Variants in CCDC117 observed in about 807,000 individuals in gnomAD.
The protein encoded by CCDC117 is coiled-coil domain-containing protein 117.
In CCDC117, 1 loss-of-function variant was observed where a neutral mutation model predicts 23.5. The ratio of observed to expected loss-of-function variants is 0.04; its 90% confidence interval spans 0.02 to 0.20. The LOEUF (loss-of-function observed/expected upper bound fraction) is 0.20. CCDC117 is among the 10% of genes least tolerant of loss of function. CCDC117 has a pLI of 1.00. For synonymous variants in CCDC117, 132 were observed against 124.8 expected, an observed-to-expected ratio of 1.06 and a Z score of -0.39; for missense variants, 383 against 348.2, an observed-to-expected ratio of 1.10 and a Z score of -0.80.
At chr22:28,777,287 C>G (rs936711088) in intron 2 of CCDC117, among the ~76,000 whole-genome samples, 1 of 152,054 alleles carries the variant, frequency 6.6e-6, no homozygotes, top group African/African-American at 2.4e-5. Context: ...CTGGCCCTGG[C>G]CTCCCAAAGT....
intron 2 of CCDC117, among the ~76,000 whole-genome samples, chr22:28,778,859 G>A (rs1436850277): frequency 6.6e-6 from 1 of 152,162 alleles, no homozygotes; most frequent in African/African-American, 2.4e-5. Context: ...TATTTAGAAA[G>A]TGGACCTACA....
chr22:28,787,856 G>C lies in CCDC117; in HGVS notation c.*1530G>C, dbSNP rs2031563499. On this transcript the variant is annotated 3_prime_UTR_variant, in exon 5 of 5. Coordinates refer to ENST00000249064, the MANE Select transcript of CCDC117 (RefSeq NM_173510.4). The stretch of plus-strand genomic sequence containing the variant: ...TTCTGGGTTTCTTCCCCCTTTGTAG[G>C]AATCAGATACCTTTTGTAGAAAAAA... The C allele has an allele frequency of 6.6e-6, 1 of 152,324 alleles. No homozygotes were observed. Among genetic ancestry groups the C allele is most frequent in the Admixed American group, 6.6e-5 (1 of 15,264 alleles). 9.4% of individuals were successfully genotyped at this position (152,324 alleles called of 1,614,324 possible).
intron 4 of CCDC117, among the ~76,000 whole-genome samples, chr22:28,784,200 G>A (rs2031441042): frequency 6.6e-6 from 1 of 152,200 alleles, no homozygotes; most frequent in South Asian, 2.1e-4. Context: ...AGTAGAAGCA[G>A]AAACAGCAAA....
intron 2 of CCDC117, among the ~76,000 whole-genome samples, chr22:28,779,407 T>C (rs1050944350): frequency 4.6e-5 from 7 of 151,946 alleles, no homozygotes; most frequent in African/African-American, 1.7e-4. Context: ...GGTTTCACCA[T>C]GTTGGCCAGG....
rs147524215 is a variant in CCDC117 at position 28,788,973 on chromosome 22, GT to G, written c.*2663del. Reference sequence around the variant, plus strand: ...GTGCGTTGTGGATTTTGTTTTTTGGGTTTTTTTTTTTTTTTTGTAATTATAT... The same window carrying G: ...GTGCGTTGTGGATTTTGTTTTTTGGGTTTTTTTTTTTTTTTGTAATTATAT... On this transcript the variant is annotated 3_prime_UTR_variant, in exon 5 of 5. Coordinates refer to ENST00000249064, the MANE Select transcript of CCDC117 (RefSeq NM_173510.4). 0.018 allele frequency: 2,378 copies of G among 134,974 alleles called. 48 individuals are homozygous for G. Among genetic ancestry groups the G allele is most frequent in the African/African-American group, 0.052 (1,958 of 37,390 alleles). 8.4% of individuals were successfully genotyped at this position (134,974 alleles called of 1,614,324 possible).
Position 28,780,956 on chromosome 22 carries a change from T to C in CCDC117, c.248T>C (p.Val83Ala). The C allele has an allele frequency of 6.2e-6, 10 of 1,610,262 alleles. No homozygotes were observed. Among genetic ancestry groups the C allele is most frequent in the Non-Finnish European group, 8.5e-6 (10 of 1,177,508 alleles). The change falls in exon 3 of 5, where the codon GTA (valine) becomes GCA (alanine). Residue 83 changes from valine (V) to alanine (A), a missense_variant. By Grantham distance (64) the Val-to-Ala change is moderately conservative (BLOSUM62 0). Transcript: ENST00000249064. ...REEEEDDDCP[V>A]RKKRITEAEL... Reference sequence around the variant, plus strand: ...TTTTTTCTTTTTTTCAGTTGTCCAGTAAGAAAGAAAAGGATAACTGAAGCA... The same window carrying C: ...TTTTTTCTTTTTTTCAGTTGTCCAGCAAGAAAGAAAAGGATAACTGAAGCA...
chr22:28,772,744 C>T lies in CCDC117; in HGVS notation c.-106C>T. The T allele has an allele frequency of 2.2e-6, 2 of 901,042 alleles. No individual in the cohort carries two copies. The highest frequency in any genetic ancestry group is 1.4e-6 in the Non-Finnish European group (1 of 695,128). 55.8% of individuals were successfully genotyped at this position (901,042 alleles called of 1,614,324 possible). A position where few individuals can be genotyped will look rare whatever the true frequency, so the allele number is the denominator to read the frequency against. Reference sequence around the variant, plus strand: ...AGAAGGCGTGACGTGGGGTCGAGAGCGGGATCCGAGGCTGGCGGGTTTTGG... The same window carrying T: ...AGAAGGCGTGACGTGGGGTCGAGAGTGGGATCCGAGGCTGGCGGGTTTTGG... On this transcript the variant is annotated 5_prime_UTR_variant, in exon 1 of 5. Coordinates refer to ENST00000249064, the MANE Select transcript of CCDC117 (RefSeq NM_173510.4).
At chr22:28,780,166 G>T (rs1450106727) in intron 2 of CCDC117, among the ~76,000 whole-genome samples, 1 of 152,116 alleles carries the variant, frequency 6.6e-6, no homozygotes, top group Non-Finnish European at 1.5e-5. Context: ...AAAAAAAATG[G>T]ATTTGATGAA....
intron 1 of CCDC117, 199 bp from the exon 2 acceptor site, chr22:28,773,526 G>C (rs1017052352): frequency 8.4e-6 from 5 of 596,924 alleles, no homozygotes; most frequent in African/African-American, 5.6e-5. Flanking sequence ...AAAAGGACAA[G>C]TTGAGATTTC....
intron 3 of CCDC117, among the ~76,000 whole-genome samples, chr22:28,782,225 A>T (rs1221838090): frequency 5.0e-5 from 7 of 140,030 alleles, no homozygotes; most frequent in African/African-American, 1.9e-4. Context: ...GGCATGAGCT[A>T]CTGTGCCGGG....
chr22:28,786,862 A>G lies in CCDC117; in HGVS notation c.*536A>G, dbSNP rs1569201190. 6.5e-6 allele frequency: 1 copy of G among 153,376 alleles called. No individual in the cohort carries two copies. Among genetic ancestry groups the G allele is most frequent in the East Asian group, 1.9e-4 (1 of 5,200 alleles). The allele number at this position is 153,376 out of a possible 1,614,324, so 9.5% of individuals were successfully genotyped here. A position where few individuals can be genotyped will look rare whatever the true frequency, so the allele number is the denominator to read the frequency against. ...TTTCTTAGCAACTTGTAATTTAGTT[A>G]TCAATTCAATATAGCTCTGTTGATT... On this transcript the variant is annotated 3_prime_UTR_variant, in exon 5 of 5. Coordinates refer to ENST00000249064, the MANE Select transcript of CCDC117 (RefSeq NM_173510.4).
At chr22:28,782,082 C>T (rs2031358133) in intron 3 of CCDC117, among the ~76,000 whole-genome samples, 1 of 151,740 alleles carries the variant, frequency 6.6e-6, no homozygotes, top group South Asian at 2.1e-4. Flanking sequence ...GGACTGCAGG[C>T]ATGTGCCACC....
At chr22:28,775,310 GTAGA>G (rs1456143267) in intron 2 of CCDC117, among the ~76,000 whole-genome samples, 8 of 152,102 alleles carry the variant, frequency 5.3e-5, no homozygotes, top group Admixed American at 2.6e-4. Flanking sequence ...AGGACTTGGT[GTAGA>G]TAATTAACCA....
intron 2 of CCDC117, among the ~76,000 whole-genome samples, chr22:28,774,298 A>G (rs1247488541): frequency 1.4e-5 from 2 of 146,566 alleles, no homozygotes; most frequent in African/African-American, 2.5e-5. Context: ...TGATCTTCTG[A>G]CTTCATGATC....
intron 1 of CCDC117, chr22:28,773,465 A>T (rs13058181): frequency 1.9e-6 from 1 of 519,316 alleles, no homozygotes; most frequent in Admixed American, 3.1e-5. Context: ...GCCTGCCCCG[A>T]GGACGTTTCC....
At chr22:28,776,511 CTCAGGT>C (rs1166092501) in intron 2 of CCDC117, among the ~76,000 whole-genome samples, 1 of 151,652 alleles carries the variant, frequency 6.6e-6, no homozygotes, top group African/African-American at 2.4e-5. Flanking sequence ...TCACCTCTGT[CTCAGGT>C]TCAAGCGATT....
At chr22:28,773,598 C>T in intron 1 of CCDC117, 127 bp from the exon 2 acceptor site, 1 of 728,450 alleles carries the variant, frequency 1.4e-6, no homozygotes, top group Admixed American at 2.1e-5. Flanking sequence ...TGTACCCATC[C>T]CACTAGGCTC....
chr22:28,786,305 A>G lies in CCDC117; in HGVS notation c.819A>G (p.Thr273=). 1 of 1,612,650 alleles carries G rather than the reference A, an allele frequency of 6.2e-7. No individual in the cohort carries two copies. Among genetic ancestry groups the G allele is most frequent in the Non-Finnish European group, 8.5e-7 (1 of 1,179,416 alleles). ...ATAGTTTGGAGACAGCTACTAGCACAGAAGAAGAGATGGAACTCTAGAAAC... is the reference window on the plus strand; with the variant it reads ...ATAGTTTGGAGACAGCTACTAGCACGGAAGAAGAGATGGAACTCTAGAAAC... The part of the protein sequence containing the change: ...LYNSLETATS[T]EEEMEL Residue 273 remains threonine, a synonymous_variant, in exon 5 of 5, where the codon ACA becomes ACG. Coordinates refer to ENST00000249064, the MANE Select transcript of CCDC117 (RefSeq NM_173510.4).
intron 4 of CCDC117, 101 bp downstream of exon 4, chr22:28,783,746 T>C: frequency 8.9e-7 from 1 of 1,120,560 alleles, no homozygotes; most frequent in Non-Finnish European, 1.3e-6. Flanking sequence ...TTTTATCTCC[T>C]GATCCCCAGG....
Sources: allele counts gnomAD v4.1 joint callset (sites outside exome capture counted in the v4.1 genomes callset), GRCh38; gene constraint gnomAD v4.1.1; transcripts MANE v1.5; gene names NCBI Gene and HGNC (gene_info 2026-07-23, HGNC 2026-07-21).